The following SLC7A11 variants were observed in gnomAD, a reference collection of about 807,000 sequenced individuals.
SLC7A11 encodes the protein solute carrier family 7 member 11, also known as cystine/glutamate transporter.
Under a neutral mutation model 54.5 loss-of-function variants are expected in SLC7A11, and 35 were observed. The observed-to-expected ratio is 0.64, with a 90% CI of 0.49 to 0.85. The LOEUF is 0.85. SLC7A11 is among the 40% of genes least tolerant of loss of function. SLC7A11 has a pLI of 0.00. For synonymous variants in SLC7A11, 230 were observed against 225.2 expected (o/e 1.02, Z -0.19); for missense variants, 583 against 618.1 (o/e 0.94, Z 0.60).
chr4:138,226,202 A>T (rs1737944412), intron 3 of SLC7A11, among the ~76,000 whole-genome samples: 1 of 152,136 alleles, frequency 6.6e-6, no homozygotes, highest in Non-Finnish European at 1.5e-5. Context: ...TGCTGGTGGG[A>T]ATGTAAATTA....
At position 138,171,276 on chromosome 4, in the gene SLC7A11, G is replaced by A. The variant is rs1386846233; in HGVS notation, c.*680C>T. The A allele has an allele frequency of 3.3e-5, 5 of 152,010 alleles. No homozygotes were observed. The East Asian group carries it at 7.7e-4, about 24-fold the overall frequency. The allele number at this position is 152,010 out of a possible 1,614,324, so 9.4% of individuals were successfully genotyped here. On this transcript the variant is annotated 3_prime_UTR_variant, in exon 12 of 12. Coordinates refer to ENST00000280612, the MANE Select transcript of SLC7A11 (RefSeq NM_014331.4). ...CCTGATAATGAATGAAAAAACATCT[G>A]ACATAATAAATTCTCAAGGATTTTT...
At chr4:138,233,832 C>G (rs1324311957) in intron 2 of SLC7A11, among the ~76,000 whole-genome samples, 1 of 152,192 alleles carries the variant, frequency 6.6e-6, no homozygotes, top group Non-Finnish European at 1.5e-5. Context: ...GGTCTAAGCT[C>G]TCCCTACTTC....
intron 1 of SLC7A11, among the ~76,000 whole-genome samples, chr4:138,239,281 G>A (rs910077226): frequency 6.6e-6 from 1 of 152,060 alleles, no homozygotes; most frequent in Non-Finnish European, 1.5e-5. Flanking sequence ...TTTAAACTGA[G>A]TTCTGGGGGA....
intron 11 of SLC7A11, among the ~76,000 whole-genome samples, chr4:138,172,633 G>A (rs1484010614): frequency 6.6e-6 from 1 of 152,112 alleles, no homozygotes; most frequent in Admixed American, 6.6e-5. Flanking sequence ...AACTGAAGAT[G>A]GGGCCTAGCA....
rs112624489 is a variant in SLC7A11, at chr4:138,185,844, C to G, written c.792-600G>C. 3.3e-3 allele frequency among the ~76,000 whole-genome samples: 508 copies of G among 152,198 alleles called. 5 individuals carry two copies. Among genetic ancestry groups the G allele is most frequent in the South Asian group, 0.012 (59 of 4,830 alleles). On this transcript the variant is annotated intron_variant, in intron 6 of 11. Transcript: ENST00000280612. ...AAGTATGATAGTGGGATATATCTAC[C>G]TTTCTAAATGTGGCCATAATTTTGT...
In SLC7A11 at chr4:138,170,271, T is replaced by TATATATATATATATACAC. The variant is rs752680028; in HGVS notation, c.*1684_*1685insGTGTATATATATATATAT. On this transcript the variant is annotated 3_prime_UTR_variant, in exon 12 of 12. Transcript: ENST00000280612. ...GTGTGTATATATATATATATATATA[T>TATATATATATATATACAC]ACACACACACACACACACACACATA... is the stretch of plus-strand genomic sequence containing the variant. The TATATATATATATATACAC allele has an allele frequency of 8.9e-4, 77 of 86,196 alleles. No individual in the cohort carries two copies. Among genetic ancestry groups the TATATATATATATATACAC allele is most frequent in the African/African-American group, 2.4e-3 (56 of 23,750 alleles). 5.3% of individuals were successfully genotyped at this position (86,196 alleles called of 1,614,324 possible). A position where few individuals can be genotyped will look rare whatever the true frequency, so the allele number is the denominator to read the frequency against.
intron 5 of SLC7A11, 90 bp from the exon 6 acceptor site, chr4:138,214,719 A>T (rs1347881007): frequency 9.4e-6 from 4 of 426,090 alleles, no homozygotes; most frequent in Non-Finnish European, 1.2e-5. Flanking sequence ...TGAACCCAGA[A>T]TTATGAAAAC....
At chr4:138,188,054 CT>C (rs1309212123) in intron 6 of SLC7A11, among the ~76,000 whole-genome samples, 2 of 151,944 alleles carry the variant, frequency 1.3e-5, no homozygotes, top group African/African-American at 4.8e-5. Flanking sequence ...TATAATTATT[CT>C]TTTTTAAAAA....
At chr4:138,180,540 G>T in intron 10 of SLC7A11, 101 bp downstream of exon 10, 4 of 1,145,972 alleles carry the variant, frequency 3.5e-6, no homozygotes, top group Non-Finnish European at 4.9e-6. Flanking sequence ...TTCCACAGAT[G>T]CTGCCCCCAG....
intron 2 of SLC7A11, among the ~76,000 whole-genome samples, chr4:138,233,452 G>A (rs2148454094): frequency 1.3e-5 from 2 of 152,146 alleles, no homozygotes; most frequent in Middle Eastern, 3.4e-3. Context: ...CCAAACTGCT[G>A]GGATTACAGG....
chr4:138,182,344 T>C lies in SLC7A11; in HGVS notation c.1069A>G (p.Met357Val). The change falls in exon 9 of 12, where the codon ATG (methionine) becomes GTG (valine). Residue 357 changes from methionine (M) to valine (V), a missense_variant. By Grantham distance (21) the Met-to-Val change is conservative (BLOSUM62 1). Coordinates refer to ENST00000280612, the MANE Select transcript of SLC7A11 (RefSeq NM_014331.4). ...REGHLPEILS[M>V]IHVRKHTPLP... ...GGAGTGTGCTTGCGGACATGAATCA[T>C]GGAGAGGATTTCTGGAAGGTGACCC... is the stretch of plus-strand genomic sequence containing the variant. The C allele has an allele frequency of 1.9e-6, 3 of 1,612,278 alleles. No individual in the cohort carries two copies. The highest frequency in any genetic ancestry group is 2.5e-6 in the Non-Finnish European group (3 of 1,178,722).
At chr4:138,197,925 A>G (rs546703262) in intron 6 of SLC7A11, among the ~76,000 whole-genome samples, 26 of 150,788 alleles carry the variant, frequency 1.7e-4, no homozygotes, top group African/African-American at 4.8e-4. Flanking sequence ...ACAAGTATCA[A>G]TGTAATATAT....
At chr4:138,197,697 T>C (rs1333877232) in intron 6 of SLC7A11, among the ~76,000 whole-genome samples, 1 of 151,888 alleles carries the variant, frequency 6.6e-6, no homozygotes, top group East Asian at 1.9e-4. Context: ...AAACGACCTC[T>C]ATGCAAATAC....
At chr4:138,202,940 T>C (rs1419217984) in intron 6 of SLC7A11, among the ~76,000 whole-genome samples, 1 of 152,106 alleles carries the variant, frequency 6.6e-6, no homozygotes, top group African/African-American at 2.4e-5. Flanking sequence ...CTCTCTTCCT[T>C]ATACCTGCCC....
chr4:138,238,028 C>T (rs550426254), intron 1 of SLC7A11, among the ~76,000 whole-genome samples: 2 of 151,964 alleles, frequency 1.3e-5, no homozygotes, highest in East Asian at 3.9e-4. Context: ...GTTGGGATTA[C>T]AGGCGTGAGC....
At position 138,170,205 on chromosome 4, in the gene SLC7A11, C is replaced by CTATATATATATATA. The variant is rs760391383; in HGVS notation, c.*1737_*1750dup. On this transcript the variant is annotated 3_prime_UTR_variant, in exon 12 of 12. Coordinates refer to ENST00000280612, the MANE Select transcript of SLC7A11 (RefSeq NM_014331.4). ...ATATTACTCTCATTTGTAAGTTCCA[C>CTATATATATATATA]TATATATATATATATATATATATAA... The CTATATATATATATA allele has an allele frequency of 1.0e-5, 1 of 98,136 alleles. No homozygotes were observed. The highest frequency in any genetic ancestry group is 3.7e-5 in the African/African-American group (1 of 27,276). The allele number at this position is 98,136 out of a possible 1,614,324, so 6.1% of individuals were successfully genotyped here. A position where few individuals can be genotyped will look rare whatever the true frequency, so the allele number is the denominator to read the frequency against.
At chr4:138,238,595 A>AT (rs35797835) in intron 1 of SLC7A11, among the ~76,000 whole-genome samples, 45,512 of 146,778 alleles carry the variant, frequency 0.31, 7,117 homozygotes, top group East Asian at 0.45. Flanking sequence ...CCTAGGAATA[A>AT]TTTTTTTTTT....
intron 6 of SLC7A11, among the ~76,000 whole-genome samples, chr4:138,211,199 T>G (rs1737539659): frequency 6.6e-6 from 1 of 151,794 alleles, no homozygotes; most frequent in Non-Finnish European, 1.5e-5. Context: ...TGGGTACTCA[T>G]GAACACATAG....
intron 6 of SLC7A11, among the ~76,000 whole-genome samples, chr4:138,207,246 G>A (rs186590862): frequency 3.9e-5 from 6 of 152,090 alleles, no homozygotes; most frequent in African/African-American, 9.6e-5. Flanking sequence ...AATATTTAAT[G>A]TTGTCTAAGA....
Sources: gnomAD v4.1 joint callset for allele counts (sites outside exome capture counted in the v4.1 genomes callset) on GRCh38, gnomAD v4.1.1 for gene constraint, MANE v1.5 for transcripts, NCBI Gene and HGNC (gene_info 2026-07-23, HGNC 2026-07-21) for gene names.